CLVS2: variants seen among roughly 807,000 people sequenced by gnomAD.
CLVS2 encodes the protein clavesin-2.
In CLVS2, 19 loss-of-function variants were observed where a neutral mutation model predicts 29.0. The ratio of observed to expected loss-of-function variants is 0.66; its 90% CI spans 0.46 to 0.96. The LOEUF (loss-of-function observed/expected upper bound fraction) is 0.96, where lower values mean the gene tolerates loss of function less well. Ranked by LOEUF, CLVS2 falls within the 40% of genes least tolerant of loss-of-function variation. The probability of loss-of-function intolerance (pLI) is 0.00; values close to 1 mark genes in which losing one functional copy is unlikely to be tolerated. For synonymous variants in CLVS2, 161 were observed against 151.3 expected, an observed-to-expected ratio of 1.06 and a Z score of -0.47; for missense variants, 294 against 404.1, an observed-to-expected ratio of 0.73 and a Z score of 2.34.
chr6:123,039,378 C>T (rs1465095733), intron 3 of CLVS2, among the ~76,000 whole-genome samples: 3 of 152,208 alleles, frequency 2.0e-5, no homozygotes, highest in African/African-American at 7.2e-5. Flanking sequence ...ACACTCACTC[C>T]TTTGATTAAA....
intron 5 of CLVS2, among the ~76,000 whole-genome samples, chr6:123,060,414 C>T (rs1337926881): frequency 2.0e-5 from 3 of 152,140 alleles, no homozygotes; most frequent in Non-Finnish European, 4.4e-5. Flanking sequence ...ATGATACGCA[C>T]TTCTGATTAT....
At chr6:123,032,935 G>T (rs1470604463) in intron 3 of CLVS2, among the ~76,000 whole-genome samples, 1 of 152,074 alleles carries the variant, frequency 6.6e-6, no homozygotes, top group Non-Finnish European at 1.5e-5. Context: ...GAGCAGCAAA[G>T]ATTTTTTGTT....
chr6:122,997,072 CAG>C (rs976572421), intron 1 of CLVS2, 145 bp from the exon 2 acceptor site: 16 of 152,628 alleles, frequency 1.0e-4, no homozygotes, highest in African/African-American at 3.6e-4. Flanking sequence ...GCGCTATCTG[CAG>C]AGTCTTCACC....
intron 3 of CLVS2, among the ~76,000 whole-genome samples, chr6:123,038,937 TAAC>T (rs1256631118): frequency 6.6e-6 from 1 of 152,182 alleles, no homozygotes; most frequent in Non-Finnish European, 1.5e-5. Context: ...ATTATGGACA[TAAC>T]AAGTATGTTT....
Position 123,068,110 on chromosome 6 carries a change from T to C in CLVS2, c.*4349T>C, listed in dbSNP as rs935984702. 5 of 151,678 alleles carry C rather than the reference T, an allele frequency of 3.3e-5. No individual in the cohort carries two copies. Among genetic ancestry groups the C allele is most frequent in the African/African-American group, 1.2e-4 (5 of 41,384 alleles). 9.4% of individuals were successfully genotyped at this position (151,678 alleles called of 1,614,324 possible). A position where few individuals can be genotyped will look rare whatever the true frequency, so the allele number is the denominator to read the frequency against. On this transcript the variant is annotated 3_prime_UTR_variant, in exon 6 of 6. Coordinates refer to ENST00000275162, the MANE Select transcript of CLVS2 (RefSeq NM_001010852.4). ...TGTGGATTCTGTTATGTACTAACTA[T>C]GGGAATGAATTCTCCAGTACCATAG... is the stretch of plus-strand genomic sequence containing the variant.
chr6:123,030,857 CAT>C (rs1234750654), intron 3 of CLVS2, among the ~76,000 whole-genome samples: 6 of 148,030 alleles, frequency 4.1e-5, no homozygotes, highest in East Asian at 1.9e-4. Flanking sequence ...TATACACACA[CAT>C]ATATATTCTC....
At chr6:123,058,115 T>C (rs74572267) in intron 5 of CLVS2, among the ~76,000 whole-genome samples, 2 of 152,184 alleles carry the variant, frequency 1.3e-5, no homozygotes, top group Non-Finnish European at 2.9e-5. Flanking sequence ...TAATCTATCA[T>C]TTACTAGGTA....
chr6:123,017,795 A>G (rs1774860000), intron 3 of CLVS2, among the ~76,000 whole-genome samples: 1 of 152,122 alleles, frequency 6.6e-6, no homozygotes, highest in Admixed American at 6.6e-5. Context: ...GTATGTACAT[A>G]TAATTGATGT....
Position 123,063,997 on chromosome 6 carries a change from T to A in CLVS2, c.*236T>A, listed in dbSNP as rs972997654. ...CAAGTTGTTTGTAAATATAATGTAA[T>A]CTTCATGTCAAGTTTGTAAATTTCA... On this transcript the variant is annotated 3_prime_UTR_variant, in exon 6 of 6. Coordinates refer to ENST00000275162, the MANE Select transcript of CLVS2 (RefSeq NM_001010852.4). The A allele has an allele frequency of 2.0e-5, 7 of 352,542 alleles. No individual in the cohort carries two copies. Among genetic ancestry groups the A allele is most frequent in the African/African-American group, 1.1e-4 (5 of 47,264 alleles). The allele number at this position is 352,542 out of a possible 1,614,324, so 21.8% of individuals were successfully genotyped here. A position where few individuals can be genotyped will look rare whatever the true frequency, so the allele number is the denominator to read the frequency against.
chr6:122,997,183 CCT>C, intron 1 of CLVS2, 34 bp from the exon 2 acceptor site: 1 of 167,676 alleles, frequency 6.0e-6, no homozygotes. Flanking sequence ...CTTTCTCCCC[CCT>C]CTTTCTCTCT....
In CLVS2 at chr6:123,069,441, C is replaced by T. The variant is rs968567296; in HGVS notation, c.*5680C>T. 6.6e-6 allele frequency: 1 copy of T among 151,736 alleles called. No homozygotes were observed. The highest frequency in any genetic ancestry group is 2.4e-5 in the African/African-American group (1 of 41,366). 9.4% of individuals were successfully genotyped at this position (151,736 alleles called of 1,614,324 possible). A position where few individuals can be genotyped will look rare whatever the true frequency, so the allele number is the denominator to read the frequency against. On this transcript the variant is annotated 3_prime_UTR_variant, in exon 6 of 6. Coordinates refer to ENST00000275162, the MANE Select transcript of CLVS2 (RefSeq NM_001010852.4). The stretch of plus-strand genomic sequence containing the variant: ...TCTTCTGTGAGTTTCCCTCATTTAT[C>T]CTATCTGTGGATGAAAAGTCATCTA...
chr6:123,056,260 A>G (rs1414424136), intron 5 of CLVS2, among the ~76,000 whole-genome samples: 1 of 152,148 alleles, frequency 6.6e-6, no homozygotes, highest in East Asian at 1.9e-4. Context: ...ATACATTATT[A>G]TCATATATTT....
chr6:123,038,619 A>G (rs1286308371), intron 3 of CLVS2, among the ~76,000 whole-genome samples: 2 of 152,064 alleles, frequency 1.3e-5, no homozygotes, highest in Non-Finnish European at 2.9e-5. Flanking sequence ...TAATATTTTG[A>G]TGTATTTTTT....
At position 123,068,291 on chromosome 6, in the gene CLVS2, T is replaced by C. The variant is rs1266187387; in HGVS notation, c.*4530T>C. ...TAATCAATGCACTCATGGTAAATAA[T>C]GGAAATTGTTAAAATTTAGAAGAGT... On this transcript the variant is annotated 3_prime_UTR_variant, in exon 6 of 6. Transcript: ENST00000275162. 1.3e-5 allele frequency: 2 copies of C among 151,614 alleles called. No individual in the cohort carries two copies. The highest frequency in any genetic ancestry group is 1.9e-4 in the East Asian group (1 of 5,174). 9.4% of individuals were successfully genotyped at this position (151,614 alleles called of 1,614,324 possible). A position where few individuals can be genotyped will look rare whatever the true frequency, so the allele number is the denominator to read the frequency against.
At chr6:123,013,574 C>G (rs141386121) in intron 3 of CLVS2, among the ~76,000 whole-genome samples, 1 of 151,916 alleles carries the variant, frequency 6.6e-6, no homozygotes, top group Non-Finnish European at 1.5e-5. Flanking sequence ...TTTGAGGACT[C>G]CTTGTCTCTT....
rs1312975950 is a variant in CLVS2, at chr6:123,069,727, C to T, written c.*5966C>T. On this transcript the variant is annotated 3_prime_UTR_variant, in exon 6 of 6. Coordinates refer to ENST00000275162, the MANE Select transcript of CLVS2 (RefSeq NM_001010852.4). Reference sequence around the variant, plus strand: ...CTCGTTACAAAAAAGTGCGTTCCTTCTTCAGGAGGATCGAGTAGAAAATAT... The same window carrying T: ...CTCGTTACAAAAAAGTGCGTTCCTTTTTCAGGAGGATCGAGTAGAAAATAT... 1 of 151,812 alleles carries T rather than the reference C, an allele frequency of 6.6e-6. No individual in the cohort carries two copies. The highest frequency in any genetic ancestry group is 1.5e-5 in the Non-Finnish European group (1 of 67,862). 9.4% of individuals were successfully genotyped at this position (151,812 alleles called of 1,614,324 possible).
At chr6:123,000,611 A>G (rs925810878) in intron 2 of CLVS2, among the ~76,000 whole-genome samples, 1 of 152,094 alleles carries the variant, frequency 6.6e-6, no homozygotes, top group Non-Finnish European at 1.5e-5. Context: ...TTAAGTTACT[A>G]TTATTGCTCT....
intron 4 of CLVS2, among the ~76,000 whole-genome samples, chr6:123,053,879 C>T (rs540871529): frequency 1.4e-4 from 21 of 152,096 alleles, no homozygotes; most frequent in South Asian, 8.3e-4. Context: ...AATTCTAGTG[C>T]GCAGGTGGAG....
chr6:123,016,021 C>CT (rs58103603), intron 3 of CLVS2, among the ~76,000 whole-genome samples: 14,952 of 50,898 alleles, frequency 0.29, 4,240 homozygotes, highest in Admixed American at 0.31. Context: ...CAACATCAGA[C>CT]TTTTTTTTTT....
Sources: gnomAD v4.1 joint callset for allele counts (sites outside exome capture counted in the v4.1 genomes callset) on GRCh38, gnomAD v4.1.1 for gene constraint, MANE v1.5 for transcripts, NCBI Gene and HGNC (gene_info 2026-07-23, HGNC 2026-07-21) for gene names.